Variants in LRMDA observed in about 807,000 individuals in gnomAD.
The protein encoded by LRMDA is leucine-rich melanocyte differentiation-associated protein.
A neutral mutation model predicts 29.8 loss-of-function variants in LRMDA; 18 were observed. That is an observed-to-expected ratio of 0.60 (90% CI 0.42 to 0.90). LRMDA has a LOEUF of 0.90. Among genes scored for constraint, LRMDA ranks in the 40% least tolerant of loss-of-function variants. LRMDA has a pLI of 0.00. For synonymous variants in LRMDA, 125 were observed against 109.4 expected (o/e 1.14, Z -0.89); for missense variants, 273 against 273.9 (o/e 1.00, Z 0.02).
chr10:75,623,156 T>C (rs1035531924), intron 2 of LRMDA, among the ~76,000 whole-genome samples: 17 of 152,242 alleles, frequency 1.1e-4, no homozygotes, highest in Admixed American at 1.1e-3. Context: ...AATTGTAATT[T>C]ATAATTTATT....
chr10:75,453,241 A>C (rs2132032980), intron 2 of LRMDA, among the ~76,000 whole-genome samples: 1 of 152,310 alleles, frequency 6.6e-6, no homozygotes, highest in Non-Finnish European at 1.5e-5. Context: ...CTGGCGGTTG[A>C]CCTTTGTCCA....
intron 2 of LRMDA, among the ~76,000 whole-genome samples, chr10:75,523,269 C>G (rs1294081885): frequency 6.6e-6 from 1 of 152,104 alleles, no homozygotes; most frequent in Admixed American, 6.5e-5. Flanking sequence ...TGCATGCATC[C>G]TGCTGGAAAT....
intron 2 of LRMDA, among the ~76,000 whole-genome samples, chr10:75,559,174 T>C (rs1012070655): frequency 3.9e-5 from 6 of 152,212 alleles, no homozygotes; most frequent in African/African-American, 1.2e-4. Flanking sequence ...CCTATTTCTC[T>C]ACATCCTTTA....
chr10:75,503,221 T>C (rs1845134879), intron 2 of LRMDA, among the ~76,000 whole-genome samples: 1 of 152,140 alleles, frequency 6.6e-6, no homozygotes, highest in Admixed American at 6.5e-5. Context: ...ACTGCAGTTG[T>C]GCTTGCCTTC....
chr10:76,125,495 G>A (rs541751295), intron 5 of LRMDA, among the ~76,000 whole-genome samples: 13 of 152,254 alleles, frequency 8.5e-5, no homozygotes, highest in African/African-American at 2.6e-4. Context: ...GTTTCTCATT[G>A]TATCACACCT....
At chr10:75,925,671 C>CT (rs371918813) in intron 2 of LRMDA, among the ~76,000 whole-genome samples, 34,970 of 80,400 alleles carry the variant, frequency 0.43, 4,682 homozygotes, top group South Asian at 0.58. Context: ...TTTTCTTTTT[C>CT]TTTTTTTTTT....
At chr10:76,403,590 A>G (rs1841872037) in intron 6 of LRMDA, among the ~76,000 whole-genome samples, 1 of 152,172 alleles carries the variant, frequency 6.6e-6, no homozygotes, top group Non-Finnish European at 1.5e-5. Context: ...TTTTTCCTTC[A>G]TAAAGCTAAA....
At chr10:75,710,701 G>A (rs143946116) in intron 2 of LRMDA, among the ~76,000 whole-genome samples, 2 of 152,374 alleles carry the variant, frequency 1.3e-5, no homozygotes, top group African/African-American at 2.4e-5. Context: ...TGTGGCTGCA[G>A]GTTCTGGGTT....
At chr10:76,150,053 AAC>A (rs748732962) in intron 5 of LRMDA, among the ~76,000 whole-genome samples, 60 of 152,324 alleles carry the variant, frequency 3.9e-4, no homozygotes, top group Non-Finnish European at 7.5e-4. Flanking sequence ...CAGCTGGTCA[AAC>A]ACACTGGGCT....
intron 2 of LRMDA, among the ~76,000 whole-genome samples, chr10:75,758,015 G>C (rs1843053497): frequency 6.6e-6 from 1 of 152,176 alleles, no homozygotes; most frequent in South Asian, 2.1e-4. Flanking sequence ...GGCCAGGCTG[G>C]TCTCAAACTC....
intron 2 of LRMDA, among the ~76,000 whole-genome samples, chr10:75,647,836 C>G (rs1227337889): frequency 1.3e-5 from 2 of 152,096 alleles, no homozygotes; most frequent in Admixed American, 1.3e-4. Context: ...CTCTCTTAGT[C>G]TCTCTCTGGT....
chr10:75,431,772 C>T lies in LRMDA; in HGVS notation c.30+18C>T. On this transcript the variant is annotated intron_variant, in intron 1 of 6. Coordinates refer to ENST00000611255, the MANE Select transcript of LRMDA (RefSeq NM_001305581.2). ...GAACTCAAGTAAGTCCCGGCCAGCC[C>T]CGCCTCCGCCCGGGGCGCAGTCCGC... is the stretch of plus-strand genomic sequence containing the variant. 1 of 1,359,520 alleles carries T rather than the reference C, an allele frequency of 7.4e-7. No homozygotes were observed. Among genetic ancestry groups the T allele is most frequent in the Non-Finnish European group, 9.5e-7 (1 of 1,050,324 alleles). The allele number at this position is 1,359,520 out of a possible 1,614,324, so 84.2% of individuals were successfully genotyped here.
chr10:75,479,149 G>T (rs1326193384), intron 2 of LRMDA, among the ~76,000 whole-genome samples: 1 of 152,122 alleles, frequency 6.6e-6, no homozygotes, highest in Non-Finnish European at 1.5e-5. Context: ...TTGGGAGGTT[G>T]CGGCCAAGTG....
chr10:76,046,667 T>C (rs967654710), intron 3 of LRMDA, among the ~76,000 whole-genome samples: 1 of 152,094 alleles, frequency 6.6e-6, no homozygotes. Context: ...GTATTTTTAG[T>C]AGAGACGGGT....
At chr10:75,969,688 G>T (rs1229950226) in intron 2 of LRMDA, among the ~76,000 whole-genome samples, 1 of 152,206 alleles carries the variant, frequency 6.6e-6, no homozygotes, top group Non-Finnish European at 1.5e-5. Flanking sequence ...CTGAAAGAAG[G>T]ATGATGCCTT....
intron 2 of LRMDA, among the ~76,000 whole-genome samples, chr10:75,469,026 C>T (rs1050584773): frequency 4.6e-5 from 7 of 152,042 alleles, no homozygotes; most frequent in Non-Finnish European, 1.0e-4. Flanking sequence ...CTGTAACTTT[C>T]TGTGCTCTTC....
At chr10:75,999,998 G>T (rs899547356) in intron 2 of LRMDA, among the ~76,000 whole-genome samples, 1 of 152,088 alleles carries the variant, frequency 6.6e-6, no homozygotes, top group African/African-American at 2.4e-5. Flanking sequence ...GAGCTTAATG[G>T]CATTTTCTCT....
chr10:75,708,761 G>A (rs1019368419), intron 2 of LRMDA, among the ~76,000 whole-genome samples: 2 of 152,152 alleles, frequency 1.3e-5, no homozygotes, highest in African/African-American at 2.4e-5. Flanking sequence ...ACTTTGGAAC[G>A]AGCAAGGGTT....
chr10:76,003,921 C>A (rs1368165652), intron 2 of LRMDA, among the ~76,000 whole-genome samples: 2 of 152,106 alleles, frequency 1.3e-5, no homozygotes, highest in East Asian at 3.9e-4. Context: ...GAGATTGGGA[C>A]CTGGGTATAA....
Sources: allele counts gnomAD v4.1 joint callset (sites outside exome capture counted in the v4.1 genomes callset), GRCh38; gene constraint gnomAD v4.1.1; transcripts MANE v1.5; gene names NCBI Gene and HGNC (gene_info 2026-07-23, HGNC 2026-07-21).